Variants in THRAP3 observed in about 807,000 individuals in gnomAD.
The protein encoded by THRAP3 is thyroid hormone receptor associated protein 3.
In THRAP3, 16 loss-of-function variants were observed where a neutral mutation model predicts 101.0. The ratio of observed to expected loss-of-function variants is 0.16; its 90% CI spans 0.11 to 0.24. The LOEUF is 0.24. THRAP3 is among the 10% of genes least tolerant of loss of function. The probability of loss-of-function intolerance (pLI) is 1.00; values close to 1 mark genes in which losing one functional copy is unlikely to be tolerated. For missense variants in THRAP3, 989 were observed against 1,202.7 expected, an observed-to-expected ratio of 0.82 and a Z score of 2.63; for synonymous variants, 407 against 422.6, an observed-to-expected ratio of 0.96 and a Z score of 0.45.
intron 9 of THRAP3, among the ~76,000 whole-genome samples, chr1:36,299,801 G>A (rs1248155760): frequency 1.3e-5 from 2 of 152,160 alleles, no homozygotes; most frequent in Non-Finnish European, 2.9e-5. Context: ...GAGCCACTAC[G>A]CCCGGCCAGA....
At chr1:36,267,621 G>C (rs1645532459) in intron 2 of THRAP3, among the ~76,000 whole-genome samples, 1 of 152,144 alleles carries the variant, frequency 6.6e-6, no homozygotes, top group Admixed American at 6.5e-5. Flanking sequence ...GAAGAAAGAG[G>C]GAAGAAAGCA....
intron 1 of THRAP3, among the ~76,000 whole-genome samples, chr1:36,250,455 G>A (rs1018477704): frequency 3.3e-5 from 5 of 151,872 alleles, no homozygotes; most frequent in African/African-American, 9.7e-5. Context: ...CTTGTGATCC[G>A]CCCGCCTTGG....
intron 2 of THRAP3, among the ~76,000 whole-genome samples, chr1:36,282,236 T>C (rs1645741590): frequency 1.5e-5 from 1 of 67,134 alleles, no homozygotes; most frequent in Non-Finnish European, 4.8e-5. Context: ...ACTTTCTCTC[T>C]TTTTTTTTTT....
At chr1:36,208,040 G>A in the THRAP3 span, among the ~76,000 whole-genome samples, 2 of 152,080 alleles carry the variant, frequency 1.3e-5, no homozygotes, top group Non-Finnish European at 2.9e-5. Context: ...TGAGCCACCC[G>A]CCTCAGCCTA....
intron 1 of THRAP3, among the ~76,000 whole-genome samples, chr1:36,226,731 T>TC (rs1336377581): frequency 6.6e-6 from 1 of 152,128 alleles, no homozygotes; most frequent in Non-Finnish European, 1.5e-5. Flanking sequence ...ACATCTAAGA[T>TC]CTGTTCACTG....
At chr1:36,210,922 C>G in the THRAP3 span, among the ~76,000 whole-genome samples, 1 of 148,894 alleles carries the variant, frequency 6.7e-6, no homozygotes, top group East Asian at 2.0e-4. Flanking sequence ...TTAAAAACAT[C>G]TTGAGATGGG....
At chr1:36,295,554 T>TTCCTTCCTTCCTTCCTTCCC (rs1645935342) in intron 8 of THRAP3, among the ~76,000 whole-genome samples, 9 of 118,352 alleles carry the variant, frequency 7.6e-5, no homozygotes, top group African/African-American at 2.5e-4. Context: ...TTTTCCTTCC[T>TTCCTTCCTTCCTTCCTTCCC]TCCTTCCTTC....
chr1:36,207,738 T>G, the THRAP3 span, among the ~76,000 whole-genome samples: 1 of 151,194 alleles, frequency 6.6e-6, no homozygotes, highest in Non-Finnish European at 1.5e-5. Flanking sequence ...AAAAGAGGAG[T>G]TCAGGCTAGG....
intron 1 of THRAP3, among the ~76,000 whole-genome samples, chr1:36,229,403 T>G (rs986133752): frequency 3.2e-4 from 6 of 18,902 alleles, no homozygotes; most frequent in African/African-American, 4.4e-4. Context: ...GTCTACAGTT[T>G]TTTTTTTTGT....
At chr1:36,281,665 C>T (rs1645733246) in intron 2 of THRAP3, among the ~76,000 whole-genome samples, 1 of 151,096 alleles carries the variant, frequency 6.6e-6, no homozygotes. Context: ...GGGAATCTTC[C>T]TATGTTGCTT....
At position 36,304,155 on chromosome 1, in the gene THRAP3, C is replaced by T. The variant is rs41267281; in HGVS notation, c.*138C>T. ...CCACCAGCCGCACAGATTGTACTAC[C>T]GCGAGAGGCATCCCTGGCGCTGTCT... On this transcript the variant is annotated 3_prime_UTR_variant, in exon 12 of 12. Coordinates refer to ENST00000354618, the MANE Select transcript of THRAP3 (RefSeq NM_005119.4). 97 of 1,303,646 alleles carry T rather than the reference C, an allele frequency of 7.4e-5. No individual in the cohort carries two copies. Among genetic ancestry groups the T allele is most frequent in the Admixed American group, 9.8e-5 (3 of 30,486 alleles). 80.8% of individuals were successfully genotyped at this position (1,303,646 alleles called of 1,614,324 possible).
At chr1:36,210,746 A>ATCATATATATAT in the THRAP3 span, among the ~76,000 whole-genome samples, 7 of 98,862 alleles carry the variant, frequency 7.1e-5, no homozygotes, top group Admixed American at 1.4e-4. Context: ...TCATATATAT[A>ATCATATATATAT]AAGTGTCAGC....
At chr1:36,282,123 A>G (rs976350715) in intron 2 of THRAP3, among the ~76,000 whole-genome samples, 6 of 151,986 alleles carry the variant, frequency 3.9e-5, no homozygotes, top group African/African-American at 1.2e-4. Context: ...GGATATTGCT[A>G]TGTTGCCCAG....
intron 2 of THRAP3, among the ~76,000 whole-genome samples, chr1:36,262,983 T>G (rs1645466424): frequency 7.0e-6 from 1 of 141,846 alleles, no homozygotes; most frequent in Non-Finnish European, 1.5e-5. Context: ...TTTTTTTTTT[T>G]GTATTTTCAG....
At chr1:36,268,458 T>C (rs1257864749) in intron 2 of THRAP3, among the ~76,000 whole-genome samples, 1 of 152,172 alleles carries the variant, frequency 6.6e-6, no homozygotes, top group African/African-American at 2.4e-5. Flanking sequence ...TGCCATTCCT[T>C]AATTGCTGTA....
chr1:36,286,420 C>A lies in THRAP3; in HGVS notation c.190C>A (p.His64Asn). The A allele has an allele frequency of 6.2e-7, 1 of 1,612,316 alleles. No individual in the cohort carries two copies. Among genetic ancestry groups the A allele is most frequent in the Non-Finnish European group, 8.5e-7 (1 of 1,179,540 alleles). The change falls in exon 4 of 12, where the codon CAC becomes AAC. Residue 64 changes from histidine (H) to asparagine (N), a missense_variant. Transcript: ENST00000354618. The surrounding 1 kb of genome is among the most constrained non-coding windows in gnomAD (Gnocchi z 5.5). ...TCCAGCTCATAACAGAGAAAGAAAC[C>A]ACCCAAGAGTATATCAGAATCGGGA... ...YSPAHNRERN[H>N]PRVYQNRDFR...
intron 4 of THRAP3, chr1:36,288,617 C>G: frequency 6.1e-6 from 6 of 985,380 alleles, no homozygotes; most frequent in Non-Finnish European, 4.8e-6. Context: ...ACTTGTATTT[C>G]CAAATGTGAG....
chr1:36,240,563 A>C (rs1190586173), intron 1 of THRAP3, among the ~76,000 whole-genome samples: 1 of 152,194 alleles, frequency 6.6e-6, no homozygotes, highest in Non-Finnish European at 1.5e-5. Flanking sequence ...CCACTCACTC[A>C]CATGTCAGTC....
At position 36,292,599 on chromosome 1, in the gene THRAP3, G is replaced by A. The variant is rs1645890617; in HGVS notation, c.1920G>A (p.Glu640=). The A allele has an allele frequency of 1.2e-6, 2 of 1,611,898 alleles. No homozygotes were observed. The highest frequency in any genetic ancestry group is 1.7e-5 in the Admixed American group (1 of 59,844). Residue 640 remains glutamate (E), a splice_region_variant and synonymous_variant, in exon 7 of 12, where the codon GAG becomes GAA. Transcript: ENST00000354618. ...HIVTIVHHVK[E]HHFGSSGMTL... is the part of the protein sequence containing the mutation. ...ATGTGTTTCTTTTAATCCCAACAGA[G>A]CATCACTTTGGGTCCTCAGGAATGA...
Sources: gnomAD v4.1 joint callset for allele counts (sites outside exome capture counted in the v4.1 genomes callset) on GRCh38, gnomAD v4.1.1 for gene constraint, Gnocchi (gnomAD v3.1) non-coding constraint, MANE v1.5 for transcripts, NCBI Gene and HGNC (gene_info 2026-07-23, HGNC 2026-07-21) for gene names.